The following THEMIS variants were observed in gnomAD, a reference collection of about 807,000 sequenced individuals.
The protein encoded by THEMIS is protein THEMIS.
In THEMIS, 37 loss-of-function variants were observed where a neutral mutation model predicts 52.6. The ratio of observed to expected loss-of-function variants is 0.70; its 90% confidence interval spans 0.54 to 0.93. The LOEUF is 0.93. Ranked by LOEUF, THEMIS falls within the 40% of genes least tolerant of loss-of-function variation. The pLI, the probability that THEMIS is intolerant of heterozygous loss-of-function variation, is 0.00. For synonymous variants in THEMIS, 292 were observed against 272.7 expected (o/e 1.07, Z -0.70); for missense variants, 808 against 763.1 (o/e 1.06, Z -0.69).
intron 1 of THEMIS, among the ~76,000 whole-genome samples, chr6:127,867,936 A>G (rs1229176594): frequency 6.6e-6 from 1 of 152,092 alleles, no homozygotes; most frequent in Non-Finnish European, 1.5e-5. Flanking sequence ...ACACACACAC[A>G]CACACACAAT....
Position 127,829,524 on chromosome 6 carries a change from C to G in THEMIS, c.661G>C (p.Gly221Arg), listed in dbSNP as rs1554232101. 6.2e-7 allele frequency: 1 copy of G among 1,612,762 alleles called. No homozygotes were observed. The highest frequency in any genetic ancestry group is 8.5e-7 in the Non-Finnish European group (1 of 1,179,518). The change falls in exon 3 of 6, where the codon GGT becomes CGT. Residue 221 changes from glycine to arginine, a missense_variant. By Grantham distance (125) the Gly-to-Arg change is moderately radical. Coordinates refer to ENST00000368248, the MANE Select transcript of THEMIS (RefSeq NM_001010923.3). ...TAAACAGGCTTGAGAATCAGGGTAC[C>G]ATAAAAGTCTTTAGGAAATGGATTC... ...STNPFPKDFY[G>R]TLILKPVYEI...
chr6:127,762,202 T>C (rs1317160539), intron 4 of THEMIS, among the ~76,000 whole-genome samples: 1 of 152,080 alleles, frequency 6.6e-6, no homozygotes, highest in Non-Finnish European at 1.5e-5. Context: ...TATCTAAAAC[T>C]AGGCAAATTC....
intron 4 of THEMIS, among the ~76,000 whole-genome samples, chr6:127,729,202 CTT>C (rs1774667286): frequency 1.1e-5 from 1 of 94,810 alleles, no homozygotes; most frequent in Admixed American, 1.2e-4. Flanking sequence ...CTCTCTCTCT[CTT>C]CACTCATCCC....
At chr6:127,745,696 C>G (rs1775365872) in intron 4 of THEMIS, among the ~76,000 whole-genome samples, 1 of 151,802 alleles carries the variant, frequency 6.6e-6, no homozygotes, top group South Asian at 2.1e-4. Context: ...AACATCCACA[C>G]CAGTTCAATC....
At chr6:127,715,479 T>C (rs1178071667) in intron 5 of THEMIS, among the ~76,000 whole-genome samples, 4 of 151,932 alleles carry the variant, frequency 2.6e-5, no homozygotes, top group Non-Finnish European at 5.9e-5. Context: ...CTTGATCCCA[T>C]ATAATCAGCC....
chr6:127,807,370 G>T, intron 4 of THEMIS: 1 of 233,978 alleles, frequency 4.3e-6, no homozygotes, highest in South Asian at 3.9e-5. Context: ...AAAAAAAAAA[G>T]CTAAAATTGT....
intron 4 of THEMIS, among the ~76,000 whole-genome samples, chr6:127,789,904 A>T (rs1210609179): frequency 6.6e-6 from 1 of 152,212 alleles, no homozygotes; most frequent in East Asian, 1.9e-4. Flanking sequence ...TTTATGACAA[A>T]CCCACAGCCA....
At chr6:127,840,383 A>T (rs1035761160) in intron 2 of THEMIS, among the ~76,000 whole-genome samples, 1 of 152,108 alleles carries the variant, frequency 6.6e-6, no homozygotes, top group African/African-American at 2.4e-5. Context: ...AGTCCTCAGA[A>T]TAAGATTTTT....
At chr6:127,801,708 T>C (rs1777541981) in intron 4 of THEMIS, among the ~76,000 whole-genome samples, 1 of 152,072 alleles carries the variant, frequency 6.6e-6, no homozygotes, top group South Asian at 2.1e-4. Flanking sequence ...GAGGCAACGG[T>C]GATGGCCTCC....
intron 4 of THEMIS, among the ~76,000 whole-genome samples, chr6:127,722,465 C>G (rs1441058004): frequency 6.6e-6 from 1 of 151,990 alleles, no homozygotes; most frequent in East Asian, 1.9e-4. Context: ...TCTTCCCTCT[C>G]CCCTTTCCTA....
At chr6:127,898,545 G>T (rs1476385831) in intron 1 of THEMIS, among the ~76,000 whole-genome samples, 1 of 151,478 alleles carries the variant, frequency 6.6e-6, no homozygotes, top group Non-Finnish European at 1.5e-5. Context: ...ATACTCGATG[G>T]GAATGTGTAT....
intron 2 of THEMIS, among the ~76,000 whole-genome samples, chr6:127,835,203 T>TACCACACAA: frequency 6.6e-6 from 1 of 152,074 alleles, no homozygotes; most frequent in African/African-American, 2.4e-5. Context: ...TACCACATAT[T>TACCACACAA]TGCTGTTCCT....
intron 1 of THEMIS, among the ~76,000 whole-genome samples, chr6:127,873,566 AG>A (rs1233577643): frequency 2.0e-5 from 3 of 152,226 alleles, no homozygotes; most frequent in Non-Finnish European, 2.9e-5. Flanking sequence ...ACAACAACAA[AG>A]TACTGGAAAA....
intron 4 of THEMIS, among the ~76,000 whole-genome samples, chr6:127,789,226 A>G (rs1777078947): frequency 6.6e-6 from 1 of 152,226 alleles, no homozygotes; most frequent in South Asian, 2.1e-4. Context: ...ACAAACTACT[A>G]TCAGAGAATA....
At chr6:127,900,455 C>T (rs1015000996) in intron 1 of THEMIS, among the ~76,000 whole-genome samples, 3 of 151,854 alleles carry the variant, frequency 2.0e-5, no homozygotes, top group Non-Finnish European at 4.4e-5. Context: ...AAACACTGTG[C>T]CTTTGATAGT....
In THEMIS at chr6:127,860,380, G is replaced by A. The variant is rs570187481; in HGVS notation, c.92-5192C>T. On this transcript the variant is annotated intron_variant, in intron 1 of 5. Transcript: ENST00000368248. ...AAATGCTAGGAAATGATCTTTCCAG[G>A]CCATAGAGACTCTCTCATCCCCAAA... 2.6e-5 allele frequency among the ~76,000 whole-genome samples: 4 copies of A among 152,206 alleles called. No individual in the cohort carries two copies. In the South Asian group the frequency reaches 8.3e-4, roughly 32 times the overall value.
At chr6:127,791,640 A>T (rs1040865817) in intron 4 of THEMIS, among the ~76,000 whole-genome samples, 4 of 152,084 alleles carry the variant, frequency 2.6e-5, no homozygotes, top group Non-Finnish European at 5.9e-5. Flanking sequence ...GCCTGTTTGC[A>T]TCCTACCACC....
intron 1 of THEMIS, among the ~76,000 whole-genome samples, chr6:127,877,927 T>C (rs1258908464): frequency 2.6e-5 from 4 of 152,154 alleles, no homozygotes; most frequent in African/African-American, 9.7e-5. Context: ...TTCAAGAGTT[T>C]TAACCACAGG....
intron 1 of THEMIS, 146 bp downstream of exon 1, chr6:127,900,696 G>A (rs937241354): frequency 6.1e-5 from 41 of 674,490 alleles, no homozygotes; most frequent in African/African-American, 4.4e-4. Context: ...TTGACGATTC[G>A]TTGGTCAGTT....
Sources: allele counts gnomAD v4.1 joint callset (sites outside exome capture counted in the v4.1 genomes callset), GRCh38; gene constraint gnomAD v4.1.1; transcripts MANE v1.5; gene names NCBI Gene and HGNC (gene_info 2026-07-23, HGNC 2026-07-21).